The following SIPA1L3 variants were observed in gnomAD, a reference collection of about 807,000 sequenced individuals.
The protein encoded by SIPA1L3 is signal-induced proliferation-associated 1-like protein 3.
SIPA1L3 carries 59 observed loss-of-function variants against 150.1 expected under a neutral mutation model. That is an observed-to-expected ratio of 0.39 (90% confidence interval 0.32 to 0.49). The LOEUF is 0.49. Ranked by LOEUF, SIPA1L3 falls within the 20% of genes least tolerant of loss-of-function variation. SIPA1L3 has a pLI of 0.86. For missense variants in SIPA1L3, 2,211 were observed against 2,489.5 expected (o/e 0.89, Z 2.38); for synonymous variants, 1,070 against 1,077.6 (o/e 0.99, Z 0.14).
chr19:38,066,113 G>C (rs1969582796), intron 2 of SIPA1L3, among the ~76,000 whole-genome samples: 1 of 151,504 alleles, frequency 6.6e-6, no homozygotes, highest in Admixed American at 6.6e-5. Flanking sequence ...CCTGGGCTCA[G>C]GTGATCCTCC....
At chr19:38,066,183 T>A (rs73040899) in intron 2 of SIPA1L3, among the ~76,000 whole-genome samples, 8,848 of 150,720 alleles carry the variant, frequency 0.059, 320 homozygotes, top group Middle Eastern at 0.09. Context: ...TGGCAAATTT[T>A]AAAAAAAAAA....
rs574539757 is a variant in SIPA1L3, at chr19:38,123,670, A to G, written c.2868+3788A>G. Among the ~76,000 whole-genome samples, 14 of 152,242 alleles carry G rather than the reference A, an allele frequency of 9.2e-5. No individual in the cohort carries two copies. In the East Asian group the frequency reaches 2.7e-3, roughly 29 times the overall value. ...AAGTTTCCCATGTCTATTTCTTTCTACACAGACACGGCAACCATCCGATTT... is the reference window on the plus strand; with the variant it reads ...AAGTTTCCCATGTCTATTTCTTTCTGCACAGACACGGCAACCATCCGATTT... On this transcript the variant is annotated intron_variant, in intron 9 of 21. Coordinates refer to ENST00000222345, the MANE Select transcript of SIPA1L3 (RefSeq NM_015073.3).
At chr19:37,924,724 A>G (rs910365248) in intron 1 of SIPA1L3, among the ~76,000 whole-genome samples, 1 of 151,662 alleles carries the variant, frequency 6.6e-6, no homozygotes, top group Non-Finnish European at 1.5e-5. Context: ...AACCAGTAAC[A>G]TAGTCATTTA....
intron 2 of SIPA1L3, among the ~76,000 whole-genome samples, chr19:38,051,712 T>C (rs939683245): frequency 1.1e-4 from 17 of 151,822 alleles, no homozygotes; most frequent in African/African-American, 4.1e-4. Flanking sequence ...TCCTCCCACC[T>C]CAGCCTCCTG....
chr19:38,163,217 C>A (rs564377141), intron 14 of SIPA1L3, among the ~76,000 whole-genome samples: 2 of 152,072 alleles, frequency 1.3e-5, no homozygotes, highest in African/African-American at 4.8e-5. Context: ...GGGCTGGGCG[C>A]GGTGGCTCAC....
Position 38,158,120 on chromosome 19 carries a change from C to T in SIPA1L3, c.3662-4133C>T, listed in dbSNP as rs373717933. Among the ~76,000 whole-genome samples, 237 of 152,122 alleles carry T rather than the reference C, an allele frequency of 1.6e-3. 3 individuals carry two copies. Among genetic ancestry groups the T allele is most frequent in the African/African-American group, 5.5e-3 (229 of 41,504 alleles). On this transcript the variant is annotated intron_variant, in intron 13 of 21. Coordinates refer to ENST00000222345, the MANE Select transcript of SIPA1L3 (RefSeq NM_015073.3). ...TAGTGGCGGGCACCTGTAATCCCAGCGGCTCGGGAGGCTGAGGCAGGAGAA... is the reference window on the plus strand; with the variant it reads ...TAGTGGCGGGCACCTGTAATCCCAGTGGCTCGGGAGGCTGAGGCAGGAGAA...
intron 4 of SIPA1L3, among the ~76,000 whole-genome samples, chr19:38,099,380 A>G (rs1970450281): frequency 6.7e-6 from 1 of 149,168 alleles, no homozygotes; most frequent in Non-Finnish European, 1.5e-5. Context: ...AACCAGTGCC[A>G]CAGTTCAAGA....
intron 15 of SIPA1L3, among the ~76,000 whole-genome samples, chr19:38,168,053 G>A (rs1163013538): frequency 6.6e-6 from 1 of 152,188 alleles, no homozygotes; most frequent in Non-Finnish European, 1.5e-5. Context: ...AATGAGGGAA[G>A]CAGATGAGAA....
intron 1 of SIPA1L3, among the ~76,000 whole-genome samples, chr19:37,929,792 G>T (rs2046536845): frequency 6.6e-6 from 1 of 152,152 alleles, no homozygotes; most frequent in African/African-American, 2.4e-5. Flanking sequence ...ACTTAAGAAC[G>T]TGGCCTCTGC....
chr19:37,945,600 G>A (rs1262749183), intron 1 of SIPA1L3, among the ~76,000 whole-genome samples: 1 of 151,948 alleles, frequency 6.6e-6, no homozygotes, highest in African/African-American at 2.4e-5. Context: ...CATACTCTAG[G>A]TATGCCGTCC....
chr19:38,143,436 C>T (rs145488395), intron 12 of SIPA1L3, among the ~76,000 whole-genome samples: 3 of 152,174 alleles, frequency 2.0e-5, no homozygotes, highest in Non-Finnish European at 4.4e-5. Context: ...CTCCTCCTTT[C>T]CCTGTTCTCT....
chr19:38,125,352 A>G (rs1209432466), intron 9 of SIPA1L3, among the ~76,000 whole-genome samples: 1 of 151,996 alleles, frequency 6.6e-6, no homozygotes. Context: ...GGGTTCTTAA[A>G]CACTAGGCTA....
chr19:38,193,391 G>C, intron 17 of SIPA1L3, 146 bp from the exon 18 acceptor site: 1 of 888,266 alleles, frequency 1.1e-6, no homozygotes. Flanking sequence ...GGAAGGGAGG[G>C]AGGGAGGAAG....
In SIPA1L3 at chr19:38,198,446, G is replaced by T. The variant is rs531839448; in HGVS notation, c.4898G>T (p.Arg1633Leu). 1 of 1,604,156 alleles carries T rather than the reference G, an allele frequency of 6.2e-7. No individual in the cohort carries two copies. Among genetic ancestry groups the T allele is most frequent in the Non-Finnish European group, 8.5e-7 (1 of 1,176,230 alleles). ...LADGRDRPLR[R>L]LDPGLMPLPD... ...GATGGGCGGGACCGCCCCCTGCGGC[G>T]CCTGGACCCTGGGCTGATGCCCCTG... is the stretch of plus-strand genomic sequence containing the variant. Residue 1633 changes from arginine to leucine, a missense_variant, in exon 19 of 22, where the codon CGC becomes CTC. By Grantham distance (102) the Arg-to-Leu change is moderately radical. This residue lies in a region of SIPA1L3 where 806 missense variants were observed against 870.1 expected (regional missense o/e 0.93). Transcript: ENST00000222345.
chr19:37,975,751 A>G (rs1013955211), intron 1 of SIPA1L3, among the ~76,000 whole-genome samples: 3 of 152,196 alleles, frequency 2.0e-5, no homozygotes, highest in African/African-American at 7.2e-5. Flanking sequence ...TGCCAGACAC[A>G]GACTTGGTTG....
At chr19:38,041,112 T>TG (rs1968910146) in intron 2 of SIPA1L3, among the ~76,000 whole-genome samples, 2 of 147,316 alleles carry the variant, frequency 1.4e-5, no homozygotes, top group African/African-American at 4.9e-5. Flanking sequence ...ATTATTACTT[T>TG]TTTTTTTTTT....
chr19:38,094,595 A>G (rs557024106), intron 4 of SIPA1L3, among the ~76,000 whole-genome samples: 2 of 152,220 alleles, frequency 1.3e-5, no homozygotes, highest in South Asian at 4.1e-4. Context: ...ATTGTTAAGT[A>G]GGGGGAAAAG....
At chr19:37,907,536 C>G (rs2046344618) in intron 1 of SIPA1L3, 178 bp downstream of exon 1, 1 of 152,262 alleles carries the variant, frequency 6.6e-6, no homozygotes, top group Middle Eastern at 3.2e-3. Flanking sequence ...CATGGCTCAA[C>G]TTTCCAGGCG....
At chr19:38,033,567 A>G (rs1968700411) in intron 2 of SIPA1L3, among the ~76,000 whole-genome samples, 1 of 152,162 alleles carries the variant, frequency 6.6e-6, no homozygotes, top group Non-Finnish European at 1.5e-5. Flanking sequence ...ATGCACCTGT[A>G]GTCCCAGGAA....
Sources: allele counts gnomAD v4.1 joint callset (sites outside exome capture counted in the v4.1 genomes callset), GRCh38; gene constraint gnomAD v4.1.1; regional missense constraint gnomAD v4.1.1; transcripts MANE v1.5; gene names NCBI Gene and HGNC (gene_info 2026-07-23, HGNC 2026-07-21).